GSG1: variants seen among roughly 807,000 people sequenced by gnomAD.
GSG1 encodes germ cell-specific gene 1 protein.
GSG1 carries 28 observed loss-of-function variants against 30.8 expected under a neutral mutation model. The observed-to-expected ratio is 0.91, with a 90% CI of 0.67 to 1.25. The LOEUF (loss-of-function observed/expected upper bound fraction) is 1.25. Among genes scored for constraint, GSG1 ranks in the 50% most tolerant of loss-of-function variants. The probability of loss-of-function intolerance (pLI) is 0.00; values close to 1 mark genes in which losing one functional copy is unlikely to be tolerated. For missense variants in GSG1, 435 were observed against 444.7 expected (o/e 0.98, Z 0.20); for synonymous variants, 162 against 178.0 (o/e 0.91, Z 0.71).
At position 13,089,247 on chromosome 12, in the gene GSG1, A is replaced by G. The variant is rs1865856752; in HGVS notation, c.394T>C (p.Phe132Leu). The part of the protein sequence containing the change: ...ALLHPQSWKQ[F>L]RALRSSGTAA... ...GTACCACTGGACCGAAGGGCTCTAA[A>G]TTGTTTCCAGGACTGGGGATGGAGC... The change falls in exon 3 of 7, where the codon TTT (phenylalanine) becomes CTT (leucine). Residue 132 changes from phenylalanine to leucine, a missense_variant. Physicochemically the swap from Phe to Leu is conservative, Grantham distance 22. Coordinates refer to ENST00000651961, the MANE Select transcript of GSG1 (RefSeq NM_001080555.4). 2 of 1,558,438 alleles carry G rather than the reference A, an allele frequency of 1.3e-6. No individual in the cohort carries two copies. The highest frequency in any genetic ancestry group is 1.7e-6 in the Non-Finnish European group (2 of 1,150,614).
intron 1 of GSG1, among the ~76,000 whole-genome samples, chr12:13,092,125 G>A (rs1591640696): frequency 6.6e-6 from 1 of 152,334 alleles, no homozygotes; most frequent in South Asian, 2.1e-4. Flanking sequence ...AAATTAGAAT[G>A]AGGAATGCAG....
intron 1 of GSG1, among the ~76,000 whole-genome samples, chr12:13,098,289 C>T (rs1030142347): frequency 1.3e-5 from 2 of 151,650 alleles, no homozygotes; most frequent in African/African-American, 2.4e-5. Flanking sequence ...AGTGGCTGCT[C>T]CTCCCCATAG....
Position 13,103,562 on chromosome 12 carries a change from G to C in GSG1, c.-50C>G. The C allele has an allele frequency of 3.7e-6, 6 of 1,602,676 alleles. No individual in the cohort carries two copies. The highest frequency in any genetic ancestry group is 5.1e-6 in the Non-Finnish European group (6 of 1,169,836). On this transcript the variant is annotated 5_prime_UTR_variant, in exon 1 of 7. Transcript: ENST00000651961. ...GAAGTTTCAGTTTATCTTCTGTTCT[G>C]TCTCAATCAGTTGGGTAGAATGAGT...
At chr12:13,103,325 C>A in intron 1 of GSG1, 140 bp downstream of exon 1, 1 of 718,696 alleles carries the variant, frequency 1.4e-6, no homozygotes, top group South Asian at 1.7e-5. Flanking sequence ...TTTGTAGAAC[C>A]CTATAGTGCA....
intron 1 of GSG1, among the ~76,000 whole-genome samples, chr12:13,091,053 G>T (rs1402061182): frequency 6.6e-6 from 1 of 152,152 alleles, no homozygotes; most frequent in African/African-American, 2.4e-5. Context: ...GCCCAAATGG[G>T]GGCCTCAGAA....
Position 13,100,809 on chromosome 12 carries a change from G to A in GSG1, c.48+2656C>T, listed in dbSNP as rs114706384. On this transcript the variant is annotated intron_variant, in intron 1 of 6. Transcript: ENST00000651961. ...ACATCACTGTAGGGCACTTAGCTCC[G>A]GGATTTATTCTCAGCTGTAACCACG... Among the ~76,000 whole-genome samples, 530 of 152,212 alleles carry A rather than the reference G, an allele frequency of 3.5e-3. 4 individuals carry two copies. The highest frequency in any genetic ancestry group is 0.012 in the African/African-American group (505 of 41,518).
At position 13,084,712 on chromosome 12, in the gene GSG1, G is replaced by A; in HGVS notation, c.*189C>T. The A allele has an allele frequency of 2.0e-6, 1 of 501,986 alleles. No homozygotes were observed. Among genetic ancestry groups the A allele is most frequent in the Non-Finnish European group, 3.6e-6 (1 of 280,854 alleles). The allele number at this position is 501,986 out of a possible 1,614,324, so 31.1% of individuals were successfully genotyped here. On this transcript the variant is annotated 3_prime_UTR_variant, in exon 7 of 7. Transcript: ENST00000651961. ...GATGTGGGGTGGGTGAAACAAGATG[G>A]AGCTGTAGAGGAAAAGAGAGCAGTG...
chr12:13,099,757 T>TTTTTTTTG (rs1863040349), intron 1 of GSG1, among the ~76,000 whole-genome samples: 1 of 133,784 alleles, frequency 7.5e-6, no homozygotes, highest in African/African-American at 3.0e-5. Flanking sequence ...TTTGTTTTTT[T>TTTTTTTTG]TTTTTTTTTT....
intron 4 of GSG1, 72 bp downstream of exon 4, chr12:13,088,790 G>T: frequency 6.2e-7 from 1 of 1,614,048 alleles, no homozygotes; most frequent in Middle Eastern, 1.7e-4. Context: ...TCCATCAACC[G>T]CTTCCCTCCA....
In GSG1 at chr12:13,087,145, C is replaced by G; in HGVS notation, c.746+7G>C. On this transcript the variant is annotated splice_region_variant and intron_variant, in intron 6 of 6. Coordinates refer to ENST00000651961, the MANE Select transcript of GSG1 (RefSeq NM_001080555.4). ...GCTACAAAGGTTCAGGAGATGACAG[C>G]ACTTACTAGAAGGCCCAGCCATAAT... 6.3e-7 allele frequency: 1 copy of G among 1,591,064 alleles called. No homozygotes were observed. Among genetic ancestry groups the G allele is most frequent in the Non-Finnish European group, 8.6e-7 (1 of 1,159,078 alleles).
intron 2 of GSG1, among the ~76,000 whole-genome samples, chr12:13,089,788 T>C (rs1242814847): frequency 6.6e-6 from 1 of 152,200 alleles, no homozygotes; most frequent in Non-Finnish European, 1.5e-5. Flanking sequence ...TGGTGGCTCA[T>C]GTCTGTAATC....
chr12:13,096,470 T>A (rs1184180750), intron 1 of GSG1, among the ~76,000 whole-genome samples: 7 of 123,720 alleles, frequency 5.7e-5, no homozygotes, highest in African/African-American at 2.2e-4. Flanking sequence ...TGAGACTCTG[T>A]CTCAAAAAAA....
At chr12:13,086,012 A>C (rs1865486256) in intron 6 of GSG1, among the ~76,000 whole-genome samples, 1 of 152,184 alleles carries the variant, frequency 6.6e-6, no homozygotes, top group Admixed American at 6.5e-5. Flanking sequence ...CAAATCCCTA[A>C]ATCTCCCTGT....
chr12:13,089,357 G>C, intron 2 of GSG1, 81 bp from the exon 3 acceptor site: 4 of 1,543,220 alleles, frequency 2.6e-6, no homozygotes, highest in Non-Finnish European at 3.5e-6. Flanking sequence ...AGCTGAAATA[G>C]GGAGAAGTAG....
rs1166244013 is a variant in GSG1, at chr12:13,093,913, T to A, written c.49-3095A>T. ...CTGAGTGGTGGCTTGGAGCCAGATT[T>A]AATTGGACTTAGAGAAGTAATTTGG... On this transcript the variant is annotated intron_variant, in intron 1 of 6. Transcript: ENST00000651961. This position sits in a 1 kb window ranked among gnomAD's most constrained non-coding sequence, Gnocchi z 4.6. Among the ~76,000 whole-genome samples, 1 of 152,258 alleles carries A rather than the reference T, an allele frequency of 6.6e-6. No individual in the cohort carries two copies. The highest frequency in any genetic ancestry group is 1.5e-5 in the Non-Finnish European group (1 of 68,044).
intron 6 of GSG1, 42 bp downstream of exon 6, chr12:13,087,110 G>A: frequency 7.3e-7 from 1 of 1,367,706 alleles, no homozygotes. Flanking sequence ...TCTCGTGAAG[G>A]TTGGCTGGGG....
rs1180529713 is a variant in GSG1, at chr12:13,103,477, G to A, written c.36C>T (p.Cys12=). ...SDPSQLTQNV[C]LTQEMELSKA... ...TCACTGTACCTACCTCCTGGGTGAG[G>A]CAAACATTTTGAGTCAGTTGAGAGG... The change falls in exon 1 of 7, where the codon TGC becomes TGT. Residue 12 remains cysteine, a synonymous_variant. Coordinates refer to ENST00000651961, the MANE Select transcript of GSG1 (RefSeq NM_001080555.4). The A allele has an allele frequency of 6.2e-7, 1 of 1,613,584 alleles. No individual in the cohort carries two copies. The highest frequency in any genetic ancestry group is 1.7e-5 in the Admixed American group (1 of 60,024).
At position 13,101,460 on chromosome 12, in the gene GSG1, G is replaced by C. The variant is rs1261066535; in HGVS notation, c.48+2005C>G. Among the ~76,000 whole-genome samples the C allele has an allele frequency of 6.6e-6, 1 of 152,238 alleles. No homozygotes were observed. Among genetic ancestry groups the C allele is most frequent in the East Asian group, 1.9e-4 (1 of 5,194 alleles). ...TTCTTCCTCTGGGTCTTCCTCCGTC[G>C]GTTGAGAACGGTGTCCCGGGGGCCC... On this transcript the variant is annotated intron_variant, in intron 1 of 6. Transcript: ENST00000651961. This position sits in a 1 kb window ranked among gnomAD's most constrained non-coding sequence, Gnocchi z 5.8.
rs1219231175 is a variant in GSG1 at position 13,090,495 on chromosome 12, T to C, written c.364+8A>G. The C allele has an allele frequency of 6.2e-7, 1 of 1,601,910 alleles. No homozygotes were observed. Among genetic ancestry groups the C allele is most frequent in the Non-Finnish European group, 8.5e-7 (1 of 1,171,628 alleles). On this transcript the variant is annotated splice_region_variant and intron_variant, in intron 2 of 6. Coordinates refer to ENST00000651961, the MANE Select transcript of GSG1 (RefSeq NM_001080555.4). The stretch of plus-strand genomic sequence containing the variant: ...CCCGTTGCTCTTATATCCCAGAATG[T>C]AGGCTACCTGGTTCTTCCACAGTTT...
Sources: gnomAD v4.1 joint callset for allele counts (sites outside exome capture counted in the v4.1 genomes callset) on GRCh38, gnomAD v4.1.1 for gene constraint, Gnocchi (gnomAD v3.1) non-coding constraint, MANE v1.5 for transcripts, NCBI Gene and HGNC (gene_info 2026-07-23, HGNC 2026-07-21) for gene names.